Variants in FRAS1 observed in about 807,000 individuals in gnomAD.
The protein encoded by FRAS1 is extracellular matrix organizing protein FRAS1.
In FRAS1, 290 loss-of-function variants were observed where a neutral mutation model predicts 435.2. The observed-to-expected ratio is 0.67, with a 90% confidence interval of 0.61 to 0.73. The LOEUF (loss-of-function observed/expected upper bound fraction) is 0.73. Among genes scored for constraint, FRAS1 ranks in the 30% least tolerant of loss-of-function variants. The probability of loss-of-function intolerance (pLI) is 0.00; values close to 1 mark genes in which losing one functional copy is unlikely to be tolerated. For missense variants in FRAS1, 4,860 were observed against 5,001.5 expected (o/e 0.97, Z 0.85); for synonymous variants, 1,800 against 1,851.0 (o/e 0.97, Z 0.71).
chr4:78,360,941 C>T lies in FRAS1; in HGVS notation c.2423-2572C>T, dbSNP rs568676907. 1.2e-4 allele frequency among the ~76,000 whole-genome samples: 18 copies of T among 152,322 alleles called. No homozygotes were observed. In the South Asian group the frequency reaches 3.5e-3, roughly 30 times the overall value. On this transcript the variant is annotated intron_variant, in intron 20 of 73. Transcript: ENST00000512123. ...TTCTCTAATTGCATGCTAGAGAAAG[C>T]ATCTGTTAGATGCAACTAGTCTTTA...
intron 18 of FRAS1, among the ~76,000 whole-genome samples, chr4:78,331,459 A>G (rs569530463): frequency 3.3e-5 from 5 of 152,210 alleles, no homozygotes; most frequent in Non-Finnish European, 7.3e-5. Context: ...CAACAGTCAT[A>G]TACCAACCTG....
chr4:78,214,901 G>A (rs2866991), intron 2 of FRAS1, among the ~76,000 whole-genome samples: 141,780 of 152,144 alleles, frequency 0.93, 66,801 homozygotes, highest in East Asian at 1. Context: ...CACCAAGGCT[G>A]TCCTCCCAGT....
At position 78,065,976 on chromosome 4, in the gene FRAS1, T is replaced by TC; in HGVS notation, c.77-5dup. 6.2e-7 allele frequency: 1 copy of TC among 1,603,744 alleles called. No homozygotes were observed. The highest frequency in any genetic ancestry group is 1.3e-5 in the African/African-American group (1 of 74,688). ...TCCCTTTTAATTCTTGTTTTGTTTT[T>TC]CCCCACAGGTGCTTGTGTCTATCAG... On this transcript the variant is annotated splice_polypyrimidine_tract_variant and intron_variant, in intron 1 of 73. Transcript: ENST00000512123.
intron 61 of FRAS1, 41 bp downstream of exon 61, chr4:78,499,962 A>G (rs759829199): frequency 7.1e-7 from 1 of 1,399,688 alleles, no homozygotes; most frequent in South Asian, 1.9e-5. Context: ...TTTACTTAAT[A>G]GAGGGGCAAA....
At chr4:78,256,356 A>G (rs915716386) in intron 6 of FRAS1, among the ~76,000 whole-genome samples, 6 of 152,206 alleles carry the variant, frequency 3.9e-5, no homozygotes, top group African/African-American at 1.2e-4. Context: ...GAGCTTGTTC[A>G]TAGAGTTGCA....
intron 26 of FRAS1, chr4:78,379,494 A>G (rs1731923162): frequency 2.0e-6 from 1 of 491,940 alleles, no homozygotes; most frequent in African/African-American, 2.0e-5. Context: ...TGTATTCTTC[A>G]GGAATACCGA....
intron 9 of FRAS1, among the ~76,000 whole-genome samples, chr4:78,270,277 G>T (rs550740648): frequency 1.3e-5 from 2 of 152,238 alleles, no homozygotes; most frequent in South Asian, 2.1e-4. Context: ...ATGTTTGAAG[G>T]TCAACAGCCT....
At chr4:78,318,153 G>A (rs1729354200) in intron 17 of FRAS1, among the ~76,000 whole-genome samples, 1 of 152,198 alleles carries the variant, frequency 6.6e-6, no homozygotes, top group Non-Finnish European at 1.5e-5. Flanking sequence ...ATTTGAAACA[G>A]GAAAGCTGCA....
chr4:78,500,269 G>A (rs1319878739), intron 61 of FRAS1, among the ~76,000 whole-genome samples: 1 of 152,150 alleles, frequency 6.6e-6, no homozygotes, highest in Non-Finnish European at 1.5e-5. Context: ...GTGCTGTGCT[G>A]GGTCAGTCAA....
chr4:78,511,460 G>A lies in FRAS1; in HGVS notation c.9967G>A (p.Ala3323Thr), dbSNP rs772223292. 51 of 1,613,718 alleles carry A rather than the reference G, an allele frequency of 3.2e-5. No homozygotes were observed. Among genetic ancestry groups the A allele is most frequent in the South Asian group, 1.4e-4 (13 of 91,080 alleles). ...SRGFQAQSFI[A>T]TLKYLDVKHK... ...AGGCTTCCAGGCTCAGTCCTTCATCGCAACCTTGAAATACCTGGATGTCAA... is the reference window on the plus strand; with the variant it reads ...AGGCTTCCAGGCTCAGTCCTTCATCACAACCTTGAAATACCTGGATGTCAA... Residue 3323 changes from alanine (A) to threonine (T), a missense_variant, in exon 64 of 74, where the codon GCA becomes ACA. Ala to Thr is a moderately conservative substitution (Grantham distance 58). Transcript: ENST00000512123.
chr4:78,246,274 T>C (rs1399293238), intron 4 of FRAS1, among the ~76,000 whole-genome samples: 1 of 152,204 alleles, frequency 6.6e-6, no homozygotes, highest in Non-Finnish European at 1.5e-5. Flanking sequence ...TAGTGTCTCT[T>C]TATTCAGGAG....
rs189778111 is a variant in FRAS1, at chr4:78,129,116, C to A, written c.108+63100C>A. Among the ~76,000 whole-genome samples, 16 of 152,288 alleles carry A rather than the reference C, an allele frequency of 1.1e-4. No homozygotes were observed. In the East Asian group the frequency reaches 2.7e-3, roughly 26 times the overall value. ...TCTGTTCTATTCCATCGGTCTATATCTCTGTTTTGGTACCAGTAGCATGCT... is the reference window on the plus strand; with the variant it reads ...TCTGTTCTATTCCATCGGTCTATATATCTGTTTTGGTACCAGTAGCATGCT... On this transcript the variant is annotated intron_variant, in intron 2 of 73. Transcript: ENST00000512123.
chr4:78,534,409 C>T (rs1487534286), intron 70 of FRAS1, 40 bp from the exon 71 acceptor site: 1 of 1,583,852 alleles, frequency 6.3e-7, no homozygotes, highest in Admixed American at 1.7e-5. Context: ...GCAAAGCTGA[C>T]CCTGCTCTCA....
chr4:78,452,406 T>TCTA (rs1719054565), intron 47 of FRAS1, 52 bp downstream of exon 47: 8 of 1,403,068 alleles, frequency 5.7e-6, no homozygotes, highest in Admixed American at 4.8e-5. Context: ...CCTTAGTAAG[T>TCTA]ATTGAGGGCA....
chr4:78,161,766 A>G (rs937366165), intron 2 of FRAS1, among the ~76,000 whole-genome samples: 1 of 148,102 alleles, frequency 6.8e-6, no homozygotes, highest in Non-Finnish European at 1.5e-5. Context: ...AAAAAAAAAA[A>G]AAAAAAGAAA....
At chr4:78,395,424 A>G (rs969016214) in intron 29 of FRAS1, among the ~76,000 whole-genome samples, 3 of 151,860 alleles carry the variant, frequency 2.0e-5, no homozygotes, top group African/African-American at 7.2e-5. Flanking sequence ...TTGATTTTCT[A>G]TCTGGATGAT....
intron 6 of FRAS1, among the ~76,000 whole-genome samples, chr4:78,261,508 C>T (rs1294248821): frequency 6.6e-6 from 1 of 152,118 alleles, no homozygotes; most frequent in Admixed American, 6.6e-5. Flanking sequence ...CTTTGACCTT[C>T]CCCCTGCGCT....
At chr4:78,510,230 A>G (rs1200905732) in intron 63 of FRAS1, among the ~76,000 whole-genome samples, 2 of 152,234 alleles carry the variant, frequency 1.3e-5, no homozygotes, top group Non-Finnish European at 2.9e-5. Context: ...TACATTTTTA[A>G]CAGATAAATT....
intron 2 of FRAS1, among the ~76,000 whole-genome samples, chr4:78,228,592 CTA>C (rs997476416): frequency 1.3e-5 from 2 of 152,100 alleles, no homozygotes; most frequent in African/African-American, 4.8e-5. Flanking sequence ...GTGTACTACT[CTA>C]GAAGTATAGT....
Sources: gnomAD v4.1 joint callset for allele counts (sites outside exome capture counted in the v4.1 genomes callset) on GRCh38, gnomAD v4.1.1 for gene constraint, MANE v1.5 for transcripts, NCBI Gene and HGNC (gene_info 2026-07-23, HGNC 2026-07-21) for gene names.